NT5DC2: variants seen among roughly 807,000 people sequenced by gnomAD.
NT5DC2 encodes the protein 5'-nucleotidase domain-containing protein 2.
In NT5DC2, 41 loss-of-function variants were observed where a neutral mutation model predicts 70.0. The ratio of observed to expected loss-of-function variants is 0.59; its 90% CI spans 0.46 to 0.76. The LOEUF is 0.76. Among genes scored for constraint, NT5DC2 ranks in the 30% least tolerant of loss-of-function variants. The probability of loss-of-function intolerance (pLI) is 0.00; values close to 1 mark genes in which losing one functional copy is unlikely to be tolerated. For synonymous variants in NT5DC2, 299 were observed against 310.4 expected, an observed-to-expected ratio of 0.96 and a Z score of 0.39; for missense variants, 705 against 783.2, an observed-to-expected ratio of 0.90 and a Z score of 1.19.
chr3:52,532,803 G>A (rs1334487714), intron 1 of NT5DC2, among the ~76,000 whole-genome samples: 1 of 152,160 alleles, frequency 6.6e-6, no homozygotes, highest in Non-Finnish European at 1.5e-5. Flanking sequence ...ACGGAGACAA[G>A]CAGGCAGATG....
Position 52,524,554 on chromosome 3 carries a change from C to T in NT5DC2, c.1590G>A (p.Gln530=), listed in dbSNP as rs1174842606. ...FTFYPRRTPL[Q]HEAPLWMDQL... is the part of the protein sequence containing the mutation. ...GGTCCATCCAGAGGGGTGCCTCGTGCTGCAGCGGCGTACGGCGTGGGTAGA... is the reference window on the plus strand; with the variant it reads ...GGTCCATCCAGAGGGGTGCCTCGTGTTGCAGCGGCGTACGGCGTGGGTAGA... The change falls in exon 14 of 14, where the codon CAG becomes CAA. Residue 530 remains glutamine, a synonymous_variant. Transcript: ENST00000422318. 6.2e-7 allele frequency: 1 copy of T among 1,613,056 alleles called. No individual in the cohort carries two copies. Among genetic ancestry groups the T allele is most frequent in the Non-Finnish European group, 8.5e-7 (1 of 1,180,042 alleles).
chr3:52,528,321 G>T lies in NT5DC2; in HGVS notation c.643-10C>A. On this transcript the variant is annotated splice_polypyrimidine_tract_variant and intron_variant, in intron 5 of 13. Coordinates refer to ENST00000422318, the MANE Select transcript of NT5DC2 (RefSeq NM_001134231.2). ...GCTTAATGGAGGGACCCTGGGGAGG[G>T]GGCCATTGTCTCAGACACCCTTTGG... 1 of 1,613,180 alleles carries T rather than the reference G, an allele frequency of 6.2e-7. No individual in the cohort carries two copies. The highest frequency in any genetic ancestry group is 2.2e-5 in the East Asian group (1 of 44,886).
chr3:52,530,864 C>T (rs1367791196), intron 1 of NT5DC2, among the ~76,000 whole-genome samples: 1 of 152,148 alleles, frequency 6.6e-6, no homozygotes. Flanking sequence ...TCCCAGTGTC[C>T]CTCCAGAAGC....
chr3:52,534,448 A>G (rs2079403234), upstream of NT5DC2: 1 of 1,604,962 alleles, frequency 6.2e-7, no homozygotes. Context: ...TCCGCTAACC[A>G]GGTGACTGGG....
At chr3:52,533,927 C>G (rs1443888733), upstream of NT5DC2, 4 of 753,870 alleles carry the variant, frequency 5.3e-6, no homozygotes, top group Non-Finnish European at 6.5e-6. Context: ...AGGCCCCGGA[C>G]CCGGCGGGGC....
rs954973478 is a variant in NT5DC2, at chr3:52,525,060, G to A, written c.1250C>T (p.Pro417Leu). The change falls in exon 12 of 14, where the codon CCC (proline) becomes CTC (leucine). Residue 417 changes from proline (P) to leucine (L), a missense_variant. Coordinates refer to ENST00000422318, the MANE Select transcript of NT5DC2 (RefSeq NM_001134231.2). ...GATGCGGATCTCACGCTCCAGCTCGGGGATGATGGCGCCTGTGCGCCAGCC... is the reference window on the plus strand; with the variant it reads ...GATGCGGATCTCACGCTCCAGCTCGAGGATGATGGCGCCTGTGCGCCAGCC... ...RHGWRTGAII[P>L]ELEREIRIIN... 3.8e-6 allele frequency: 6 copies of A among 1,597,152 alleles called. No homozygotes were observed. The highest frequency in any genetic ancestry group is 5.1e-6 in the Non-Finnish European group (6 of 1,172,994).
Position 52,533,776 on chromosome 3 carries a change from C to CCCGCCCGCGGCCCG in NT5DC2, c.-40_-39insCGGGCCGCGGGCGG, listed in dbSNP as rs1295477201. The CCCGCCCGCGGCCCG allele has an allele frequency of 1.1e-5, 11 of 971,634 alleles. No individual in the cohort carries two copies. Among genetic ancestry groups the CCCGCCCGCGGCCCG allele is most frequent in the Non-Finnish European group, 1.2e-5 (10 of 825,964 alleles). The allele number at this position is 971,634 out of a possible 1,614,324, so 60.2% of individuals were successfully genotyped here. A position where few individuals can be genotyped will look rare whatever the true frequency, so the allele number is the denominator to read the frequency against. On this transcript the variant is annotated 5_prime_UTR_variant, in exon 1 of 14. Coordinates refer to ENST00000422318, the MANE Select transcript of NT5DC2 (RefSeq NM_001134231.2). Reference sequence around the variant, plus strand: ...CGCCCGCCGCCCGCGCTGCCCTCGGCCAGCCCGCCGCCCGCCGCCCGCCGC... The same window carrying CCCGCCCGCGGCCCG: ...CGCCCGCCGCCCGCGCTGCCCTCGGCCCGCCCGCGGCCCGCAGCCCGCCGCCCGCCGCCCGCCGC...
At chr3:52,534,401 G>T (rs1156230603), upstream of NT5DC2, 3 of 1,472,268 alleles carry the variant, frequency 2.0e-6, no homozygotes, top group Non-Finnish European at 2.8e-6. Context: ...CCAGGCCCAC[G>T]CTGGGGGAGG....
At position 52,527,359 on chromosome 3, in the gene NT5DC2, C is replaced by T. The variant is rs752168279; in HGVS notation, c.1054G>A (p.Asp352Asn). The T allele has an allele frequency of 2.5e-6, 4 of 1,614,140 alleles. No homozygotes were observed. The highest frequency in any genetic ancestry group is 1.1e-5 in the South Asian group (1 of 91,088). ...TDRRKPFRKL[D>N]EKGSLQWDRI... is the part of the protein sequence containing the mutation. The stretch of plus-strand genomic sequence containing the variant: ...TCCCACTGAAGTGAGCCCTTCTCAT[C>T]GAGTTTTCTGAAAGGCCTGGGGTGC... Residue 352 changes from aspartate (D) to asparagine (N), a missense_variant, in exon 10 of 14, where the codon GAT becomes AAT. Transcript: ENST00000422318.
In NT5DC2 at chr3:52,529,096, G is replaced by T; in HGVS notation, c.417+54C>A. On this transcript the variant is annotated intron_variant, in intron 2 of 13. Coordinates refer to ENST00000422318, the MANE Select transcript of NT5DC2 (RefSeq NM_001134231.2). The surrounding 1 kb of genome is among the most constrained non-coding windows in gnomAD (Gnocchi z 4.1). ...CAGCCCTGAGCTTAGGCCAAGGTGG[G>T]TCTGGCCAGCCTCCAAGCCCTGGGT... The T allele has an allele frequency of 1.2e-6, 2 of 1,608,944 alleles. No homozygotes were observed. Among genetic ancestry groups the T allele is most frequent in the Non-Finnish European group, 1.7e-6 (2 of 1,176,144 alleles).
At position 52,531,242 on chromosome 3, in the gene NT5DC2, A is replaced by G. The variant is rs1454055174; in HGVS notation, c.233-1908T>C. Among the ~76,000 whole-genome samples the G allele has an allele frequency of 6.6e-6, 1 of 152,126 alleles. No individual in the cohort carries two copies. The highest frequency in any genetic ancestry group is 1.5e-5 in the Non-Finnish European group (1 of 68,006). ...GGCCAGCACAGAGCGGCTGCTCCGA[A>G]GATCTGTGGGTGTAGACAGGAGTCT... On this transcript the variant is annotated intron_variant, in intron 1 of 13. Coordinates refer to ENST00000422318, the MANE Select transcript of NT5DC2 (RefSeq NM_001134231.2). This position sits in a 1 kb window ranked among gnomAD's most constrained non-coding sequence, Gnocchi z 4.1.
chr3:52,525,027 G>T lies in NT5DC2; in HGVS notation c.1283C>A (p.Thr428Lys). Reference protein sequence around the residue: ...ELEREIRIINTEQYMHSLTWQ... With the variant: ...ELEREIRIINKEQYMHSLTWQ... The stretch of plus-strand genomic sequence containing the variant: ...CGTCAGCGAGTGCATGTACTGCTCC[G>T]TGTTGATGATGCGGATCTCACGCTC... The change falls in exon 12 of 14, where the codon ACG becomes AAG. Residue 428 changes from threonine to lysine, a missense_variant. Transcript: ENST00000422318. 6.2e-7 allele frequency: 1 copy of T among 1,608,558 alleles called. No homozygotes were observed. The highest frequency in any genetic ancestry group is 8.5e-7 in the Non-Finnish European group (1 of 1,178,228).
chr3:52,534,457 G>C, upstream of NT5DC2: 2 of 1,607,730 alleles, frequency 1.2e-6, no homozygotes, highest in African/African-American at 1.3e-5. Context: ...CAGGTGACTG[G>C]GCCGTGCGCT....
intron 1 of NT5DC2, among the ~76,000 whole-genome samples, chr3:52,530,429 G>C (rs1185174043): frequency 1.3e-5 from 2 of 152,186 alleles, no homozygotes; most frequent in Admixed American, 6.5e-5. Context: ...AAGGGAAGGA[G>C]ATGTGCTAGG....
At position 52,527,345 on chromosome 3, in the gene NT5DC2, T is replaced by A; in HGVS notation, c.1068A>T (p.Ser356=). The A allele has an allele frequency of 6.8e-6, 11 of 1,614,138 alleles. No homozygotes were observed. Among genetic ancestry groups the A allele is most frequent in the Non-Finnish European group, 8.5e-6 (10 of 1,180,014 alleles). Residue 356 remains serine, a synonymous_variant, in exon 10 of 14, where the codon TCA becomes TCT. Transcript: ENST00000422318. ...KPFRKLDEKG[S]LQWDRITRLE... is the part of the protein sequence containing the mutation. ...AGCGGGTGATCCGGTCCCACTGAAG[T>A]GAGCCCTTCTCATCGAGTTTTCTGA... is the stretch of plus-strand genomic sequence containing the variant.
In NT5DC2 at chr3:52,529,337, AG is replaced by A. The variant is rs771657304; in HGVS notation, c.233-4del. The A allele has an allele frequency of 3.7e-6, 6 of 1,612,904 alleles. No homozygotes were observed. Among genetic ancestry groups the A allele is most frequent in the Non-Finnish European group, 5.1e-6 (6 of 1,179,628 alleles). On this transcript the variant is annotated splice_polypyrimidine_tract_variant and splice_region_variant and intron_variant, in intron 1 of 13. Coordinates refer to ENST00000422318, the MANE Select transcript of NT5DC2 (RefSeq NM_001134231.2). This position sits in a 1 kb window ranked among gnomAD's most constrained non-coding sequence, Gnocchi z 4.1. ...GCAGACCTCGGGGGGCAGGAGGTCT[AG>A]AGGAAGGAGATGCAGGGAGGCAGTG...
At chr3:52,534,701 T>C, upstream of NT5DC2, 1 of 1,569,108 alleles carries the variant, frequency 6.4e-7, no homozygotes, top group Non-Finnish European at 8.7e-7. Context: ...TACCAGGCTG[T>C]GCTCAGGGTC....
chr3:52,525,075 G>C lies in NT5DC2; in HGVS notation c.1235C>G (p.Thr412Arg). ...CTCCAGCTCGGGGATGATGGCGCCT[G>C]TGCGCCAGCCGTGCCGCAGCATGAG... ...ADLMLRHGWR[T>R]GAIIPELERE... Residue 412 changes from threonine to arginine, a missense_variant, in exon 12 of 14, where the codon ACA becomes AGA. Transcript: ENST00000422318. The C allele has an allele frequency of 6.3e-7, 1 of 1,589,644 alleles. No homozygotes were observed. The highest frequency in any genetic ancestry group is 8.5e-7 in the Non-Finnish European group (1 of 1,169,888).
chr3:52,531,879 A>G lies in NT5DC2; in HGVS notation c.232+1627T>C, dbSNP rs2153242709. Among the ~76,000 whole-genome samples the G allele has an allele frequency of 6.6e-6, 1 of 152,268 alleles. No homozygotes were observed. Among genetic ancestry groups the G allele is most frequent in the Non-Finnish European group, 1.5e-5 (1 of 68,010 alleles). ...CCCATCCTGTGAGGCAGTCCCACTT[A>G]TTCCCCCATCGTCCGGAGGAAGAAA... is the stretch of plus-strand genomic sequence containing the variant. On this transcript the variant is annotated intron_variant, in intron 1 of 13. Coordinates refer to ENST00000422318, the MANE Select transcript of NT5DC2 (RefSeq NM_001134231.2). This position sits in a 1 kb window ranked among gnomAD's most constrained non-coding sequence, Gnocchi z 4.1.
Sources: allele counts gnomAD v4.1 joint callset (sites outside exome capture counted in the v4.1 genomes callset), GRCh38; gene constraint gnomAD v4.1.1; non-coding constraint Gnocchi (gnomAD v3.1); transcripts MANE v1.5; gene names NCBI Gene and HGNC (gene_info 2026-07-23, HGNC 2026-07-21).